Variants in KCNB2 observed in about 807,000 individuals in gnomAD.
The protein encoded by KCNB2 is potassium voltage-gated channel subfamily B member 2.
KCNB2 carries 15 observed loss-of-function variants against 61.5 expected under a neutral mutation model. That is an observed-to-expected ratio of 0.24 (90% CI 0.16 to 0.38). The LOEUF (loss-of-function observed/expected upper bound fraction) is 0.38. Ranked by LOEUF, KCNB2 falls within the 10% of genes least tolerant of loss-of-function variation. KCNB2 has a pLI of 1.00. For missense variants in KCNB2, 828 were observed against 1,125.2 expected (o/e 0.74, Z 3.78); for synonymous variants, 457 against 446.0 (o/e 1.02, Z -0.31).
chr8:72,768,640 C>G (rs1351598216), intron 2 of KCNB2, among the ~76,000 whole-genome samples: 1 of 151,986 alleles, frequency 6.6e-6, no homozygotes, highest in African/African-American at 2.4e-5. Flanking sequence ...TCATTCTAAT[C>G]CAAGATCATG....
chr8:72,736,242 A>G (rs1055410182), intron 2 of KCNB2, among the ~76,000 whole-genome samples: 2 of 152,082 alleles, frequency 1.3e-5, no homozygotes, highest in Non-Finnish European at 2.9e-5. Flanking sequence ...CAAATTCAAT[A>G]TATATAACCT....
intron 2 of KCNB2, among the ~76,000 whole-genome samples, chr8:72,706,511 G>T (rs1807226545): frequency 6.6e-6 from 1 of 152,164 alleles, no homozygotes; most frequent in Non-Finnish European, 1.5e-5. Flanking sequence ...TCCCCAGAAA[G>T]GTAAATTACC....
intron 2 of KCNB2, among the ~76,000 whole-genome samples, chr8:72,681,236 T>C (rs557424387): frequency 6.6e-6 from 1 of 152,104 alleles, no homozygotes; most frequent in East Asian, 1.9e-4. Context: ...TTAAAAATTT[T>C]AAGAATAGAA....
intron 2 of KCNB2, among the ~76,000 whole-genome samples, chr8:72,614,242 C>T (rs1456471496): frequency 6.6e-6 from 1 of 152,122 alleles, no homozygotes; most frequent in Non-Finnish European, 1.5e-5. Context: ...AGCAAGGAAA[C>T]ACCTTTTAAT....
At chr8:72,832,072 A>G (rs1809707580) in intron 2 of KCNB2, among the ~76,000 whole-genome samples, 1 of 152,272 alleles carries the variant, frequency 6.6e-6, no homozygotes, top group Non-Finnish European at 1.5e-5. Context: ...AGAGATAGGA[A>G]AGACAGAATT....
chr8:72,825,000 A>AT (rs1342525647), intron 2 of KCNB2, among the ~76,000 whole-genome samples: 1 of 152,152 alleles, frequency 6.6e-6, no homozygotes, highest in Non-Finnish European at 1.5e-5. Flanking sequence ...CACCTCCAGA[A>AT]TTTTTTTATC....
rs112495654 is a variant in KCNB2 at position 72,819,962 on chromosome 8, GT to G, written c.580-115967del. Among the ~76,000 whole-genome samples, 739 of 152,138 alleles carry G rather than the reference GT, an allele frequency of 4.9e-3. 5 individuals are homozygous for G. The highest frequency in any genetic ancestry group is 0.016 in the African/African-American group (662 of 41,496). ...CAGATGCCTCCACTCTAGTTGGCTG[GT>G]TTTTTCCTGGCTCCCAAAGCACGGG... On this transcript the variant is annotated intron_variant, in intron 2 of 2. Coordinates refer to ENST00000523207, the MANE Select transcript of KCNB2 (RefSeq NM_004770.3).
intron 2 of KCNB2, among the ~76,000 whole-genome samples, chr8:72,611,974 G>A (rs1210835149): frequency 1.3e-5 from 2 of 151,648 alleles, no homozygotes; most frequent in African/African-American, 4.8e-5. Flanking sequence ...ATCCTTAAAC[G>A]CAAACTGTTA....
intron 2 of KCNB2, among the ~76,000 whole-genome samples, chr8:72,761,447 C>T (rs986445942): frequency 6.6e-6 from 1 of 152,188 alleles, no homozygotes; most frequent in African/African-American, 2.4e-5. Context: ...AAACCCAGCT[C>T]TTTCTCTCTT....
chr8:72,937,494 A>T lies in KCNB2; in HGVS notation c.2139A>T (p.Arg713Ser). The T allele has an allele frequency of 6.2e-7, 1 of 1,613,878 alleles. No individual in the cohort carries two copies. Among genetic ancestry groups the T allele is most frequent in the Non-Finnish European group, 8.5e-7 (1 of 1,179,976 alleles). The change falls in exon 3 of 3, where the codon AGA becomes AGT. Residue 713 changes from arginine to serine, a missense_variant. Coordinates refer to ENST00000523207, the MANE Select transcript of KCNB2 (RefSeq NM_004770.3). ...AAGGCAGCAACCCACTAAAGTCCAGATCCCTCAAAGTGAACTTTAAGGAAA... is the reference window on the plus strand; with the variant it reads ...AAGGCAGCAACCCACTAAAGTCCAGTTCCCTCAAAGTGAACTTTAAGGAAA... ...SLKGSNPLKS[R>S]SLKVNFKENR...
intron 2 of KCNB2, among the ~76,000 whole-genome samples, chr8:72,785,083 A>G (rs559812058): frequency 6.6e-6 from 1 of 152,190 alleles, no homozygotes; most frequent in African/African-American, 2.4e-5. Flanking sequence ...TATTTTCAAC[A>G]TAAAGGGAAT....
intron 2 of KCNB2, among the ~76,000 whole-genome samples, chr8:72,767,566 T>C (rs927196235): frequency 6.6e-6 from 1 of 152,242 alleles, no homozygotes; most frequent in African/African-American, 2.4e-5. Flanking sequence ...ACTTCATTTC[T>C]TTTTATTGTT....
At position 72,937,768 on chromosome 8, in the gene KCNB2, A is replaced by G. The variant is rs1444324997; in HGVS notation, c.2413A>G (p.Thr805Ala). ...CTCTTCAAGAGAGAGGAGGAGCTTC[A>G]CTGAAATAGATACTGGTGACGACGA... Reference protein sequence around the residue: ...PFSSRERRSFTEIDTGDDEDF... With the variant: ...PFSSRERRSFAEIDTGDDEDF... The change falls in exon 3 of 3, where the codon ACT becomes GCT. Residue 805 changes from threonine (T) to alanine (A), a missense_variant. Transcript: ENST00000523207. 4 of 1,613,972 alleles carry G rather than the reference A, an allele frequency of 2.5e-6. No individual in the cohort carries two copies. Among genetic ancestry groups the G allele is most frequent in the Non-Finnish European group, 2.5e-6 (3 of 1,179,990 alleles).
rs115831271 is a variant in KCNB2 at position 72,748,470 on chromosome 8, A to G, written c.579+180157A>G. Among the ~76,000 whole-genome samples, 1,520 of 152,180 alleles carry G rather than the reference A, an allele frequency of 1.0e-2. 20 individuals are homozygous for G. The highest frequency in any genetic ancestry group is 0.035 in the African/African-American group (1,440 of 41,554). On this transcript the variant is annotated intron_variant, in intron 2 of 2. Coordinates refer to ENST00000523207, the MANE Select transcript of KCNB2 (RefSeq NM_004770.3). ...ATTTTGTCATGATAAATCTCATGCTATTTTTATTTCAAAGATCTGTAAGCA... is the reference window on the plus strand; with the variant it reads ...ATTTTGTCATGATAAATCTCATGCTGTTTTTATTTCAAAGATCTGTAAGCA...
intron 1 of KCNB2, among the ~76,000 whole-genome samples, chr8:72,552,906 C>T (rs748773332): frequency 3.3e-5 from 5 of 151,428 alleles, no homozygotes; most frequent in East Asian, 1.9e-4. Flanking sequence ...TTCTTTGTTT[C>T]TCTCCTTCCT....
At chr8:72,635,651 C>G (rs1407294421) in intron 2 of KCNB2, among the ~76,000 whole-genome samples, 2 of 152,112 alleles carry the variant, frequency 1.3e-5, no homozygotes, top group East Asian at 3.9e-4. Flanking sequence ...GGATGGAGGT[C>G]CTCTGCAAAT....
chr8:72,739,443 A>T (rs1428145942), intron 2 of KCNB2, among the ~76,000 whole-genome samples: 1 of 152,074 alleles, frequency 6.6e-6, no homozygotes, highest in Non-Finnish European at 1.5e-5. Context: ...TTAAAGACAT[A>T]GATACAATAG....
At chr8:72,630,939 A>T (rs1275918691) in intron 2 of KCNB2, among the ~76,000 whole-genome samples, 1 of 152,152 alleles carries the variant, frequency 6.6e-6, no homozygotes, top group African/African-American at 2.4e-5. Context: ...TCTACAGGGG[A>T]TACGTTCCAA....
At chr8:72,574,841 G>A (rs1230798433) in intron 2 of KCNB2, among the ~76,000 whole-genome samples, 1 of 152,076 alleles carries the variant, frequency 6.6e-6, no homozygotes, top group Admixed American at 6.5e-5. Flanking sequence ...TTTGTTTCAA[G>A]TGAGAAAGTT....
Sources: gnomAD v4.1 joint callset for allele counts (sites outside exome capture counted in the v4.1 genomes callset) on GRCh38, gnomAD v4.1.1 for gene constraint, MANE v1.5 for transcripts, NCBI Gene and HGNC (gene_info 2026-07-23, HGNC 2026-07-21) for gene names.